CSN1S1: variants seen among roughly 807,000 people sequenced by gnomAD.
The protein encoded by CSN1S1 is alpha-S1-casein.
Under a neutral mutation model 49.1 loss-of-function variants are expected in CSN1S1, and 63 were observed. The observed-to-expected ratio is 1.28, with a 90% CI of 1.05 to 1.58. CSN1S1 has a LOEUF of 1.58. CSN1S1 is among the 40% of genes most tolerant of loss of function. The pLI is 0.00. For missense variants in CSN1S1, 260 were observed against 224.7 expected (o/e 1.16, Z -1.01); for synonymous variants, 78 against 67.1 (o/e 1.16, Z -0.79).
rs1432755211 is a variant in CSN1S1, at chr4:69,942,517, T to C, written c.361-19T>C. 4 of 1,569,398 alleles carry C rather than the reference T, an allele frequency of 2.5e-6. No homozygotes were observed. In the African/African-American group the frequency reaches 5.4e-5, roughly 21 times the overall value. On this transcript the variant is annotated intron_variant, in intron 13 of 15. Transcript: ENST00000246891. ...CAGAAGATGTCTAAGTAATTTAGAA[T>C]GTGTTTCCTTTTATGCAGGAGCAAA...
intron 7 of CSN1S1, 62 bp downstream of exon 7, chr4:69,936,669 T>G (rs1170763348): frequency 3.4e-6 from 5 of 1,476,664 alleles, no homozygotes; most frequent in African/African-American, 1.4e-5. Flanking sequence ...AGAAAAAAAG[T>G]TTTCCTTTAG....
At chr4:69,941,715 T>C (rs1356630624) in intron 12 of CSN1S1, among the ~76,000 whole-genome samples, 1 of 151,946 alleles carries the variant, frequency 6.6e-6, no homozygotes, top group Non-Finnish European at 1.5e-5. Flanking sequence ...TGGACCCTAA[T>C]TGTTACTCTA....
chr4:69,933,615 G>A (rs1352262095), intron 2 of CSN1S1, among the ~76,000 whole-genome samples: 1 of 151,956 alleles, frequency 6.6e-6, no homozygotes, highest in African/African-American at 2.4e-5. Context: ...ATTCTACCAG[G>A]AAGTGGGGAA....
intron 9 of CSN1S1, among the ~76,000 whole-genome samples, chr4:69,938,391 G>A (rs1172292021): frequency 6.6e-6 from 1 of 151,336 alleles, no homozygotes; most frequent in Non-Finnish European, 1.5e-5. Context: ...ACAGCGTAAT[G>A]GCAAAAACCT....
chr4:69,935,403 A>G (rs1722742997), intron 4 of CSN1S1, among the ~76,000 whole-genome samples: 1 of 151,408 alleles, frequency 6.6e-6, no homozygotes, highest in Non-Finnish European at 1.5e-5. Flanking sequence ...AAAAAAAAAT[A>G]GTCGGATGTG....
Position 69,944,237 on chromosome 4 carries a change from C to A in CSN1S1, c.403-613C>A, listed in dbSNP as rs147418156. Reference sequence around the variant, plus strand: ...TATGCAACTGTTTCTATGAACAATGCAATTATTAGTACACAGAAAAAATTA... The same window carrying A: ...TATGCAACTGTTTCTATGAACAATGAAATTATTAGTACACAGAAAAAATTA... On this transcript the variant is annotated intron_variant, in intron 14 of 15. Coordinates refer to ENST00000246891, the MANE Select transcript of CSN1S1 (RefSeq NM_001890.2). 3.5e-3 allele frequency among the ~76,000 whole-genome samples: 531 copies of A among 151,962 alleles called. 3 individuals are homozygous for A. The highest frequency in any genetic ancestry group is 0.012 in the African/African-American group (501 of 41,474).
chr4:69,934,634 C>T, intron 3 of CSN1S1, 56 bp from the exon 4 acceptor site: 2 of 1,513,936 alleles, frequency 1.3e-6, no homozygotes, highest in Non-Finnish European at 1.8e-6. Context: ...ACAACTAATC[C>T]TACATTCTGT....
chr4:69,937,700 T>G, intron 8 of CSN1S1, 100 bp from the exon 9 acceptor site: 1 of 920,314 alleles, frequency 1.1e-6, no homozygotes, highest in Non-Finnish European at 1.6e-6. Flanking sequence ...ATTGTCTCAG[T>G]TTTCTATTTT....
At chr4:69,940,785 A>T (rs1026119890) in intron 11 of CSN1S1, among the ~76,000 whole-genome samples, 14 of 151,866 alleles carry the variant, frequency 9.2e-5, no homozygotes, top group African/African-American at 3.4e-4. Context: ...GTACTAATTT[A>T]TATCAGACAG....
chr4:69,937,698 A>G (rs1386713324), intron 8 of CSN1S1, 102 bp from the exon 9 acceptor site: 1 of 878,860 alleles, frequency 1.1e-6, no homozygotes, highest in East Asian at 2.9e-5. Context: ...ATATTGTCTC[A>G]GTTTTCTATT....
intron 2 of CSN1S1, among the ~76,000 whole-genome samples, chr4:69,933,997 T>C (rs932976460): frequency 1.3e-5 from 2 of 152,156 alleles, no homozygotes; most frequent in South Asian, 2.1e-4. Flanking sequence ...AAGGAAATGA[T>C]TATTTTCCTT....
chr4:69,942,442 G>A, intron 13 of CSN1S1, 94 bp from the exon 14 acceptor site: 1 of 983,996 alleles, frequency 1.0e-6, no homozygotes, highest in Non-Finnish European at 1.6e-6. Flanking sequence ...TAAATTTCAT[G>A]AATGATGTTA....
chr4:69,936,368 A>G (rs1239068764), intron 5 of CSN1S1, 88 bp from the exon 6 acceptor site: 4 of 975,388 alleles, frequency 4.1e-6, no homozygotes, highest in Admixed American at 4.8e-5. Context: ...TTGTATCAGC[A>G]CGATGTGAAG....
chr4:69,938,515 T>C (rs1448868099), intron 9 of CSN1S1, among the ~76,000 whole-genome samples: 1 of 151,646 alleles, frequency 6.6e-6, no homozygotes, highest in Non-Finnish European at 1.5e-5. Flanking sequence ...TACTACCTAC[T>C]CTACAATTAT....
At chr4:69,936,208 A>T (rs1722775880) in intron 5 of CSN1S1, among the ~76,000 whole-genome samples, 2 of 152,060 alleles carry the variant, frequency 1.3e-5, no homozygotes, top group African/African-American at 4.8e-5. Flanking sequence ...TTATTTTTAA[A>T]TTTGTATCAG....
chr4:69,940,142 C>A, intron 11 of CSN1S1, 98 bp downstream of exon 11: 1 of 535,460 alleles, frequency 1.9e-6, no homozygotes, highest in Non-Finnish European at 3.1e-6. Context: ...CACACACACA[C>A]ACACACACGG....
At chr4:69,934,182 GT>G (rs781322231) in intron 2 of CSN1S1, 29 bp from the exon 3 acceptor site, 48 of 1,577,716 alleles carry the variant, frequency 3.0e-5, no homozygotes, top group Non-Finnish European at 4.1e-5. Flanking sequence ...GTTACTTTTT[GT>G]TTTACAATTC....
At chr4:69,933,713 T>C (rs992220481) in intron 2 of CSN1S1, among the ~76,000 whole-genome samples, 7 of 151,998 alleles carry the variant, frequency 4.6e-5, no homozygotes, top group Admixed American at 4.6e-4. Context: ...TAACGTGGTC[T>C]TGTCTCCACA....
chr4:69,939,924 C>T (rs762893148), intron 10 of CSN1S1, 97 bp from the exon 11 acceptor site: 11 of 703,918 alleles, frequency 1.6e-5, no homozygotes, highest in Non-Finnish European at 2.3e-5. Flanking sequence ...CAATTCACTG[C>T]AATTATTTAG....
Sources: allele counts gnomAD v4.1 joint callset (sites outside exome capture counted in the v4.1 genomes callset), GRCh38; gene constraint gnomAD v4.1.1; transcripts MANE v1.5; gene names NCBI Gene and HGNC (gene_info 2026-07-23, HGNC 2026-07-21).